The following GRAMD1B variants were observed in gnomAD, a reference collection of about 807,000 sequenced individuals.
GRAMD1B encodes the protein GRAM domain containing 1B.
In GRAMD1B, 37 loss-of-function variants were observed where a neutral mutation model predicts 99.7. The observed-to-expected ratio is 0.37, with a 90% confidence interval of 0.29 to 0.49. The LOEUF is 0.49. Ranked by LOEUF, GRAMD1B falls within the 20% of genes least tolerant of loss-of-function variation. The pLI is 0.98. For synonymous variants in GRAMD1B, 427 were observed against 387.6 expected, an observed-to-expected ratio of 1.10 and a Z score of -1.19; for missense variants, 888 against 1,009.2, an observed-to-expected ratio of 0.88 and a Z score of 1.63.
intron 7 of GRAMD1B, among the ~76,000 whole-genome samples, chr11:123,596,766 C>A (rs1258326966): frequency 6.6e-6 from 1 of 152,176 alleles, no homozygotes; most frequent in Admixed American, 6.6e-5. Flanking sequence ...CAATTGAAGG[C>A]CTGAGTGTTG....
intron 2 of GRAMD1B, among the ~76,000 whole-genome samples, chr11:123,493,144 G>A (rs1938792376): frequency 6.6e-6 from 1 of 152,328 alleles, no homozygotes; most frequent in South Asian, 2.1e-4. Context: ...CTCAGGTTTT[G>A]GAGACCAAAA....
At chr11:123,609,445 A>C (rs532331268) in intron 12 of GRAMD1B, among the ~76,000 whole-genome samples, 1 of 152,282 alleles carries the variant, frequency 6.6e-6, no homozygotes, top group Non-Finnish European at 1.5e-5. Flanking sequence ...CGGGGAGGTC[A>C]TGGCTTAGAG....
intron 3 of GRAMD1B, among the ~76,000 whole-genome samples, chr11:123,579,483 C>T (rs1263156391): frequency 6.6e-6 from 1 of 152,136 alleles, no homozygotes; most frequent in Admixed American, 6.5e-5. Context: ...AGGAACTTTA[C>T]CTGGAGCGAG....
chr11:123,520,974 G>A (rs1302876470), intron 2 of GRAMD1B, among the ~76,000 whole-genome samples: 1 of 152,130 alleles, frequency 6.6e-6, no homozygotes, highest in Non-Finnish European at 1.5e-5. Context: ...CACGAGGCAT[G>A]TATCCTTTCT....
chr11:123,491,768 A>AG (rs1938582548), intron 2 of GRAMD1B: 1 of 397,892 alleles, frequency 2.5e-6, no homozygotes, highest in Non-Finnish European at 4.4e-6. Context: ...CTGCAAGGGC[A>AG]GCAAGTCCAC....
chr11:123,479,002 G>A (rs909701583), intron 1 of GRAMD1B, among the ~76,000 whole-genome samples: 1 of 152,172 alleles, frequency 6.6e-6, no homozygotes, highest in Non-Finnish European at 1.5e-5. Flanking sequence ...ATGAGTTAAC[G>A]ACATTATAGT....
chr11:123,381,060 C>T (rs1438188843), intron 1 of GRAMD1B, among the ~76,000 whole-genome samples: 1 of 152,012 alleles, frequency 6.6e-6, no homozygotes, highest in Admixed American at 6.6e-5. Flanking sequence ...GTAGGGGATT[C>T]TTGAATAGAG....
chr11:123,396,582 T>C lies in GRAMD1B; in HGVS notation c.-176+37783T>C, dbSNP rs192989318. Among the ~76,000 whole-genome samples, 3 of 152,286 alleles carry C rather than the reference T, an allele frequency of 2.0e-5. No individual in the cohort carries two copies. In the East Asian group the frequency reaches 5.8e-4, roughly 29 times the overall value. On this transcript the variant is annotated intron_variant, in intron 1 of 20. Coordinates refer to the GRAMD1B transcript ENST00000638157. ...TGAGCCACCACTCCCAGCCCCCATA[T>C]GCACTTCTATTTCCTTATGACTTAG...
In GRAMD1B at chr11:123,503,751, T is replaced by C. The variant is rs146427271; in HGVS notation, c.452+22858T>C. On this transcript the variant is annotated intron_variant, in intron 2 of 19. Coordinates refer to ENST00000635736, the MANE Select transcript of GRAMD1B (RefSeq NM_001387025.1). ...TAGTAAAGACAAGGTTTCACCATGT[T>C]GGTCAGACTGGTCTCAAACTCCTGA... Among the ~76,000 whole-genome samples, 576 of 152,262 alleles carry C rather than the reference T, an allele frequency of 3.8e-3. 8 individuals carry two copies. The highest frequency in any genetic ancestry group is 0.033 in the Admixed American group (508 of 15,296).
intron 1 of GRAMD1B, among the ~76,000 whole-genome samples, chr11:123,364,394 A>G (rs192603528): frequency 2.0e-5 from 3 of 152,382 alleles, no homozygotes; most frequent in Non-Finnish European, 4.4e-5. Context: ...GAGCATCGGC[A>G]TGAGCCATCT....
chr11:123,377,391 G>A (rs1187556451), intron 1 of GRAMD1B, among the ~76,000 whole-genome samples: 1 of 152,186 alleles, frequency 6.6e-6, no homozygotes, highest in Non-Finnish European at 1.5e-5. Flanking sequence ...AAGCATCAGA[G>A]CAAAGAGAGC....
intron 2 of GRAMD1B, among the ~76,000 whole-genome samples, chr11:123,525,111 C>G (rs1313218778): frequency 6.6e-6 from 1 of 152,154 alleles, no homozygotes; most frequent in Non-Finnish European, 1.5e-5. Context: ...AATCCTAAAC[C>G]AGGCCTTTGT....
intron 1 of GRAMD1B, among the ~76,000 whole-genome samples, chr11:123,408,424 G>A (rs572168194): frequency 1.3e-5 from 2 of 152,272 alleles, no homozygotes; most frequent in South Asian, 2.1e-4. Context: ...CAGGATCTAG[G>A]TTATGTTAAA....
chr11:123,594,699 T>C (rs761755648), intron 5 of GRAMD1B, 36 bp from the exon 6 acceptor site: 1 of 1,109,470 alleles, frequency 9.0e-7, no homozygotes, highest in Admixed American at 1.7e-5. Flanking sequence ...AAATGCTTCC[T>C]GCCTCTGAGC....
intron 1 of GRAMD1B, among the ~76,000 whole-genome samples, chr11:123,411,892 G>A (rs370199023): frequency 2.6e-5 from 4 of 152,006 alleles, no homozygotes; most frequent in African/African-American, 9.6e-5. Context: ...CAAGCAATCC[G>A]CCTGCCTCAC....
chr11:123,443,084 A>G (rs1949484749), intron 1 of GRAMD1B, among the ~76,000 whole-genome samples: 1 of 152,086 alleles, frequency 6.6e-6, no homozygotes, highest in South Asian at 2.1e-4. Flanking sequence ...TTATCCTGTG[A>G]CTAAGAATGC....
chr11:123,520,517 TC>T (rs1172246079), intron 2 of GRAMD1B, among the ~76,000 whole-genome samples: 1 of 152,036 alleles, frequency 6.6e-6, no homozygotes, highest in Non-Finnish European at 1.5e-5. Context: ...ACACCTGCAA[TC>T]CCAGCACTTT....
intron 2 of GRAMD1B, among the ~76,000 whole-genome samples, chr11:123,515,082 G>A (rs900716801): frequency 2.0e-5 from 3 of 152,198 alleles, no homozygotes; most frequent in African/African-American, 4.8e-5. Context: ...CATATTTCAG[G>A]TGCTAGAACT....
chr11:123,493,813 T>C (rs1308469175), intron 2 of GRAMD1B, among the ~76,000 whole-genome samples: 1 of 152,120 alleles, frequency 6.6e-6, no homozygotes, highest in Non-Finnish European at 1.5e-5. Flanking sequence ...TTGTTAATAG[T>C]GGTGCTGTTG....
Sources: allele counts gnomAD v4.1 joint callset (sites outside exome capture counted in the v4.1 genomes callset), GRCh38; gene constraint gnomAD v4.1.1; transcripts MANE v1.5; gene names NCBI Gene and HGNC (gene_info 2026-07-23, HGNC 2026-07-21).